PSAT1: variants seen among roughly 807,000 people sequenced by gnomAD.
The protein encoded by PSAT1 is phosphoserine aminotransferase 1.
In PSAT1, 41 loss-of-function variants were observed where a neutral mutation model predicts 40.3. The observed-to-expected ratio is 1.02, with a 90% CI of 0.79 to 1.32. PSAT1 has a LOEUF of 1.32. Ranked by LOEUF, PSAT1 falls within the 40% of genes most tolerant of loss-of-function variation. The probability of loss-of-function intolerance (pLI) is 0.00; values close to 1 mark genes in which losing one functional copy is unlikely to be tolerated. For synonymous variants in PSAT1, 147 were observed against 170.5 expected (o/e 0.86, Z 1.07); for missense variants, 406 against 455.8 (o/e 0.89, Z 0.99).
At chr9:78,303,097 T>C (rs1264055554) in intron 3 of PSAT1, among the ~76,000 whole-genome samples, 1 of 152,186 alleles carries the variant, frequency 6.6e-6, no homozygotes, top group African/African-American at 2.4e-5. Context: ...TAAACTGAAA[T>C]TAACTTTAAC....
intron 6 of PSAT1, among the ~76,000 whole-genome samples, chr9:78,315,904 C>T (rs1160112680): frequency 6.6e-6 from 1 of 152,204 alleles, no homozygotes; most frequent in Non-Finnish European, 1.5e-5. Context: ...TAGATCTTAG[C>T]TGAGCATTGA....
At position 78,329,692 on chromosome 9, in the gene PSAT1, CTAA is replaced by C. The variant is rs1828553417; in HGVS notation, c.*612_*614del. The C allele has an allele frequency of 6.5e-6, 1 of 153,250 alleles. No homozygotes were observed. Among genetic ancestry groups the C allele is most frequent in the Non-Finnish European group, 1.5e-5 (1 of 68,708 alleles). 9.5% of individuals were successfully genotyped at this position (153,250 alleles called of 1,614,324 possible). On this transcript the variant is annotated 3_prime_UTR_variant, in exon 9 of 9. Coordinates refer to ENST00000376588, the MANE Select transcript of PSAT1 (RefSeq NM_058179.4). ...TTTATATTTCTATACATTTATATTT[CTAA>C]TAATACAGTTATCACTGATATATGT...
At chr9:78,320,961 T>A (rs997667020) in intron 7 of PSAT1, among the ~76,000 whole-genome samples, 1 of 152,012 alleles carries the variant, frequency 6.6e-6, no homozygotes, top group Admixed American at 6.5e-5. Context: ...ATTAAGGGCA[T>A]CAGGAACAAA....
chr9:78,314,271 G>A (rs4877171), intron 6 of PSAT1, among the ~76,000 whole-genome samples: 4 of 141,408 alleles, frequency 2.8e-5, no homozygotes, highest in Admixed American at 2.8e-4. Context: ...CTCTGCAGAG[G>A]GCTGGGTGGG....
At chr9:78,317,643 G>A (rs960727980) in intron 6 of PSAT1, 33 bp from the exon 7 acceptor site, 11 of 1,610,654 alleles carry the variant, frequency 6.8e-6, no homozygotes, top group African/African-American at 1.3e-5. Context: ...GCAAAGATGA[G>A]CTAAACGGAT....
intron 6 of PSAT1, among the ~76,000 whole-genome samples, chr9:78,312,436 C>G (rs1828281404): frequency 6.6e-6 from 1 of 152,202 alleles, no homozygotes; most frequent in African/African-American, 2.4e-5. Flanking sequence ...TGGCTCATGT[C>G]TGTAATCCCA....
intron 7 of PSAT1, among the ~76,000 whole-genome samples, chr9:78,320,492 CATCT>C (rs1465407889): frequency 2.0e-5 from 3 of 151,632 alleles, no homozygotes; most frequent in Non-Finnish European, 2.9e-5. Flanking sequence ...CCTATCTACC[CATCT>C]ATCTATCCAT....
intron 3 of PSAT1, 104 bp downstream of exon 3, chr9:78,302,127 A>C: frequency 1.2e-6 from 1 of 833,830 alleles, no homozygotes; most frequent in Non-Finnish European, 2.0e-6. Context: ...AGAATATTTC[A>C]TAATTTAAAA....
At chr9:78,298,904 T>C (rs1315438103) in intron 1 of PSAT1, among the ~76,000 whole-genome samples, 1 of 152,052 alleles carries the variant, frequency 6.6e-6, no homozygotes, top group East Asian at 1.9e-4. Flanking sequence ...CCTTATGAAA[T>C]GATGTGTAGC....
chr9:78,321,711 G>A (rs1202768454), intron 7 of PSAT1, among the ~76,000 whole-genome samples: 2 of 152,132 alleles, frequency 1.3e-5, no homozygotes, highest in African/African-American at 4.8e-5. Flanking sequence ...CCCACACTGT[G>A]CTGACTGACC....
intron 3 of PSAT1, among the ~76,000 whole-genome samples, chr9:78,302,913 C>A (rs1419370594): frequency 6.6e-6 from 1 of 152,032 alleles, no homozygotes; most frequent in Non-Finnish European, 1.5e-5. Context: ...CCTTTCCTAT[C>A]CAGAGAATCC....
intron 6 of PSAT1, among the ~76,000 whole-genome samples, chr9:78,310,883 C>T (rs10867180): frequency 0.29 from 43,877 of 151,960 alleles, 6,540 homozygotes; most frequent in East Asian, 0.45. Flanking sequence ...GTTGGGATTA[C>T]AGGCGTGAGC....
chr9:78,298,279 T>C, intron 1 of PSAT1: 5 of 985,406 alleles, frequency 5.1e-6, no homozygotes, highest in Non-Finnish European at 6.0e-6. Context: ...TTTATTTTTC[T>C]AACCAGGATA....
rs140331840 is a variant in PSAT1, at chr9:78,308,539, G to A, written c.696G>A (p.Val232=). The change falls in exon 6 of 9, where the codon GTG becomes GTA. Residue 232 remains valine, a synonymous_variant. Transcript: ENST00000376588. ...GCCCCTCGGTCCTGGAATACAAGGT[G>A]CAGGCTGGAAACAGCTCCTTGTACA... The part of the protein sequence containing the change: ...RECPSVLEYK[V]QAGNSSLYNT... The A allele has an allele frequency of 1.5e-4, 238 of 1,614,056 alleles. 1 individual carries two copies. The African/African-American group carries it at 2.9e-3, about 20-fold the overall frequency.
chr9:78,317,931 T>A, intron 7 of PSAT1, 127 bp downstream of exon 7: 4 of 1,193,500 alleles, frequency 3.4e-6, no homozygotes, highest in Non-Finnish European at 3.7e-6. Context: ...TGAGTGTGTG[T>A]GGTCCTGGGC....
In PSAT1 at chr9:78,302,013, C is replaced by T. The variant is rs150812587; in HGVS notation, c.181C>T (p.Arg61Trp). Residue 61 changes from arginine to tryptophan, a missense_variant, in exon 3 of 9, where the codon CGG becomes TGG. By Grantham distance (101) the Arg-to-Trp change is moderately radical. Coordinates refer to ENST00000376588, the MANE Select transcript of PSAT1 (RefSeq NM_058179.4). Reference sequence around the variant, plus strand: ...TATTAACAATACAGAGAATCTTGTGCGGGAATTGCTGTAAGTTTTAAAAAG... The same window carrying T: ...TATTAACAATACAGAGAATCTTGTGTGGGAATTGCTGTAAGTTTTAAAAAG... Reference protein sequence around the residue: ...KIINNTENLVRELLAVPDNYK... With the variant: ...KIINNTENLVWELLAVPDNYK... 92 of 1,608,866 alleles carry T rather than the reference C, an allele frequency of 5.7e-5. No individual in the cohort carries two copies. The highest frequency in any genetic ancestry group is 4.3e-4 in the South Asian group (39 of 90,966).
At position 78,298,410 on chromosome 9, in the gene PSAT1, A is replaced by T. The variant is rs1350499140; in HGVS notation, c.60+1140A>T. On this transcript the variant is annotated intron_variant, in intron 1 of 8. Coordinates refer to ENST00000376588, the MANE Select transcript of PSAT1 (RefSeq NM_058179.4). ...CCTCTGTGTTGTGGTAAGAACAGAG[A>T]ATCCAATTTTAAAGGGGAAAGGACT... 3 of 985,268 alleles carry T rather than the reference A, an allele frequency of 3.0e-6. No individual in the cohort carries two copies. The African/African-American group carries it at 5.2e-5, about 17-fold the overall frequency. 61.0% of individuals were successfully genotyped at this position (985,268 alleles called of 1,614,324 possible).
chr9:78,316,300 A>G lies in PSAT1; in HGVS notation c.741-1376A>G, dbSNP rs73651319. Among the ~76,000 whole-genome samples, 594 of 152,318 alleles carry G rather than the reference A, an allele frequency of 3.9e-3. 3 individuals carry two copies. Among genetic ancestry groups the G allele is most frequent in the African/African-American group, 0.014 (562 of 41,564 alleles). On this transcript the variant is annotated intron_variant, in intron 6 of 8. Coordinates refer to ENST00000376588, the MANE Select transcript of PSAT1 (RefSeq NM_058179.4). Reference sequence around the variant, plus strand: ...TGGTCCTGAGCTGCGGGAAGGGCCCAGGTGCAGCTGGACTTCCTGGAACCA... The same window carrying G: ...TGGTCCTGAGCTGCGGGAAGGGCCCGGGTGCAGCTGGACTTCCTGGAACCA...
At chr9:78,316,941 G>GA (rs1828353971) in intron 6 of PSAT1, among the ~76,000 whole-genome samples, 2 of 143,102 alleles carry the variant, frequency 1.4e-5, no homozygotes, top group African/African-American at 2.5e-5. Context: ...AGAGCAAGTG[G>GA]AAAAAAACTA....
Sources: gnomAD v4.1 joint callset for allele counts (sites outside exome capture counted in the v4.1 genomes callset) on GRCh38, gnomAD v4.1.1 for gene constraint, MANE v1.5 for transcripts, NCBI Gene and HGNC (gene_info 2026-07-23, HGNC 2026-07-21) for gene names.